Variants in NAALADL1 observed in about 807,000 individuals in gnomAD.
NAALADL1 encodes the protein N-acetylated alpha-linked acidic dipeptidase like 1.
In NAALADL1, 77 loss-of-function variants were observed where a neutral mutation model predicts 82.8. That is an observed-to-expected ratio of 0.93 (90% CI 0.77 to 1.12). The LOEUF (loss-of-function observed/expected upper bound fraction) is 1.12. Among genes scored for constraint, NAALADL1 ranks in the 50% most tolerant of loss-of-function variants. NAALADL1 has a pLI of 0.00. For missense variants in NAALADL1, 956 were observed against 964.0 expected (o/e 0.99, Z 0.11); for synonymous variants, 358 against 399.2 (o/e 0.90, Z 1.23).
Position 65,045,822 on chromosome 11 carries a change from CT to C in NAALADL1, c.2035del (p.Ser679AlafsTer12), listed in dbSNP as rs749994370. 6.2e-7 allele frequency: 1 copy of C among 1,613,912 alleles called. No homozygotes were observed. The highest frequency in any genetic ancestry group is 8.5e-7 in the Non-Finnish European group (1 of 1,179,900). On this transcript the variant is annotated frameshift_variant and splice_region_variant, in exon 17 of 18. Transcript: ENST00000358658. LOFTEE classifies it high-confidence loss of function. ...TCCCAGGACTCTGGGACAGACTCAC[CT>C]GTAGTAGCGTTCCTCTGGGAAGGCT... is the stretch of plus-strand genomic sequence containing the variant. ...PRAFPEERYY[S>X]HVLWAPRTGS... is the part of the protein sequence containing the mutation.
chr11:65,046,656 A>G (rs1298401305), intron 13 of NAALADL1, 130 bp from the exon 14 acceptor site: 1 of 866,664 alleles, frequency 1.2e-6, no homozygotes, highest in Admixed American at 2.4e-5. Flanking sequence ...GGCTTCTAGA[A>G]TTCCCACAGA....
intron 8 of NAALADL1, among the ~76,000 whole-genome samples, chr11:65,050,601 C>T (rs928845934): frequency 1.3e-5 from 2 of 151,132 alleles, no homozygotes; most frequent in Admixed American, 1.3e-4. Context: ...ACCAGCCTGG[C>T]CAACACGGTA....
In NAALADL1 at chr11:65,058,163, C is replaced by T. The variant is rs1947098974; in HGVS notation, c.273G>A (p.Glu91=). 6.2e-7 allele frequency: 1 copy of T among 1,613,880 alleles called. No homozygotes were observed. Among genetic ancestry groups the T allele is most frequent in the South Asian group, 1.1e-5 (1 of 91,084 alleles). The part of the protein sequence containing the change: ...QLLLQRWKDP[E]SGLDSAEAST... ...AGGCCTCGGCCGAGTCCAGGCCTGA[C>T]TCTGGGTCCTTCCAGCGCTGCAGCA... Residue 91 remains glutamate, a synonymous_variant, in exon 2 of 18, where the codon GAG becomes GAA. Transcript: ENST00000358658.
rs552475891 is a variant in NAALADL1, at chr11:65,054,936, A to C, written c.604-198T>G. 1.9e-4 allele frequency among the ~76,000 whole-genome samples: 29 copies of C among 152,228 alleles called. No individual in the cohort carries two copies. The highest frequency in any genetic ancestry group is 3.8e-4 in the Non-Finnish European group (26 of 68,040). On this transcript the variant is annotated intron_variant, in intron 4 of 17. Transcript: ENST00000358658. This position sits in a 1 kb window ranked among gnomAD's most constrained non-coding sequence, Gnocchi z 4.3. ...CGGCACAGCCAAGCCCGTGCCTATC[A>C]GTGGAGTCTGGTTGAATAACAGGGA...
chr11:65,045,060 G>T lies in NAALADL1; in HGVS notation c.*211C>A. 1 of 642,566 alleles carries T rather than the reference G, an allele frequency of 1.6e-6. No homozygotes were observed. The highest frequency in any genetic ancestry group is 2.6e-6 in the Non-Finnish European group (1 of 380,600). 39.8% of individuals were successfully genotyped at this position (642,566 alleles called of 1,614,324 possible). A position where few individuals can be genotyped will look rare whatever the true frequency, so the allele number is the denominator to read the frequency against. On this transcript the variant is annotated 3_prime_UTR_variant, in exon 18 of 18. Transcript: ENST00000358658. ...TTTTGCCATCCCATCCCTGTCCCCTGCTGCCCACCCTCTGCCACCTAAGCA... is the reference window on the plus strand; with the variant it reads ...TTTTGCCATCCCATCCCTGTCCCCTTCTGCCCACCCTCTGCCACCTAAGCA...
At chr11:65,055,447 C>T (rs1309347637) in intron 4 of NAALADL1, among the ~76,000 whole-genome samples, 4 of 151,920 alleles carry the variant, frequency 2.6e-5, no homozygotes, top group Non-Finnish European at 5.9e-5. Flanking sequence ...AAAAAAACCC[C>T]AACAAACAAA....
intron 8 of NAALADL1, among the ~76,000 whole-genome samples, chr11:65,049,176 G>A (rs571043795): frequency 2.0e-5 from 3 of 152,128 alleles, no homozygotes; most frequent in African/African-American, 7.2e-5. Context: ...ACACACCACC[G>A]CGCCTGGCTG....
chr11:65,048,516 C>A, intron 8 of NAALADL1, 131 bp from the exon 9 acceptor site: 3 of 990,154 alleles, frequency 3.0e-6, no homozygotes, highest in Non-Finnish European at 4.6e-6. Flanking sequence ...TGTCCTGGCA[C>A]CCTGCAGCCA....
intron 3 of NAALADL1, 113 bp downstream of exon 3, chr11:65,057,762 C>T: frequency 1.3e-6 from 2 of 1,498,984 alleles, no homozygotes; most frequent in Non-Finnish European, 1.8e-6. Context: ...TGAGTAAATT[C>T]CGGAGGGCGC....
chr11:65,051,315 CTTTTTTTTTTTTTTTTTTTTTTTTT>C (rs10535126), intron 8 of NAALADL1, among the ~76,000 whole-genome samples: 4 of 59,508 alleles, frequency 6.7e-5, no homozygotes, highest in African/African-American at 2.6e-4. Flanking sequence ...TTCTTTCTTT[CTTTTTTTTTTTTTTTTTTTTTTTTT>C]TTTTTTTTTT....
At chr11:65,048,549 C>G (rs923663312) in intron 8 of NAALADL1, 164 bp from the exon 9 acceptor site, 26 of 710,302 alleles carry the variant, frequency 3.7e-5, no homozygotes, top group African/African-American at 5.3e-5. Context: ...GGCTCCCGCA[C>G]CAAACACTGA....
chr11:65,049,353 C>T (rs535927853), intron 8 of NAALADL1, among the ~76,000 whole-genome samples: 79 of 152,228 alleles, frequency 5.2e-4, no homozygotes, highest in African/African-American at 1.6e-3. Flanking sequence ...TGTGATTACA[C>T]GCTTGCAATT....
Position 65,048,400 on chromosome 11 carries a change from T to C in NAALADL1, c.1199-15A>G, listed in dbSNP as rs780771034. 1.2e-6 allele frequency: 2 copies of C among 1,613,818 alleles called. No individual in the cohort carries two copies. Among genetic ancestry groups the C allele is most frequent in the South Asian group, 1.1e-5 (1 of 91,088 alleles). On this transcript the variant is annotated splice_polypyrimidine_tract_variant and intron_variant, in intron 8 of 17. Coordinates refer to ENST00000358658, the MANE Select transcript of NAALADL1 (RefSeq NM_005468.3). ...ACGCCAGGTGCCTGGGAATGGGGGA[T>C]AGAGGGTTGGAGGACAGGGTCCTCC...
intron 8 of NAALADL1, among the ~76,000 whole-genome samples, chr11:65,050,848 C>T (rs1249375322): frequency 6.6e-6 from 1 of 151,924 alleles, no homozygotes; most frequent in Non-Finnish European, 1.5e-5. Context: ...TATAAATAGC[C>T]AAGGCTTTTT....
Position 65,045,367 on chromosome 11 carries a change from T to C in NAALADL1, c.2127A>G (p.Gly709=), listed in dbSNP as rs752863531. 2.5e-5 allele frequency: 41 copies of C among 1,611,926 alleles called. No homozygotes were observed. The highest frequency in any genetic ancestry group is 3.5e-5 in the Non-Finnish European group (41 of 1,179,290). ...TCTGGACCTCAGCCCAAGCTTCAGA[T>C]CCAGAAGCTGTGTCCCTGGCCCTGG... ...ACSRARDTAS[G]SEAWAEVQRQ... Residue 709 remains glycine, a synonymous_variant, in exon 18 of 18, where the codon GGA becomes GGG. Transcript: ENST00000358658.
At chr11:65,045,773 T>C in intron 17 of NAALADL1, 49 bp downstream of exon 17, 6 of 1,553,944 alleles carry the variant, frequency 3.9e-6, no homozygotes, top group Non-Finnish European at 5.3e-6. Flanking sequence ...GGGGAGCCAT[T>C]GTCCGGCCCC....
chr11:65,046,011 C>T lies in NAALADL1; in HGVS notation c.1943+16G>A, dbSNP rs374846461. Reference sequence around the variant, plus strand: ...GGGTGCTGCCCTCCCAGCCCCTGCCCGCTGCCCTTGCTCACTCAGGGCTGC... The same window carrying T: ...GGGTGCTGCCCTCCCAGCCCCTGCCTGCTGCCCTTGCTCACTCAGGGCTGC... On this transcript the variant is annotated intron_variant, in intron 16 of 17. Transcript: ENST00000358658. The T allele has an allele frequency of 2.5e-3, 3,965 of 1,612,974 alleles. 111 individuals carry two copies. The South Asian group carries it at 0.041, about 17-fold the overall frequency.
Position 65,057,732 on chromosome 11 carries a change from G to A in NAALADL1, c.480+143C>T, listed in dbSNP as rs536281161. 15 of 1,334,092 alleles carry A rather than the reference G, an allele frequency of 1.1e-5. No homozygotes were observed. In the African/African-American group the frequency reaches 2.2e-4, roughly 19 times the overall value. The allele number at this position is 1,334,092 out of a possible 1,614,324, so 82.6% of individuals were successfully genotyped here. A position where few individuals can be genotyped will look rare whatever the true frequency, so the allele number is the denominator to read the frequency against. On this transcript the variant is annotated intron_variant, in intron 3 of 17. Transcript: ENST00000358658. ...GTTGAATGACTGATGGAGGAAAGGA[G>A]CAGCGATGGAGTGTCCCGGTGAGTA...
rs943425920 is a variant in NAALADL1, at chr11:65,046,037, C to T, written c.1933G>A (p.Gly645Ser). 4 of 1,613,788 alleles carry T rather than the reference C, an allele frequency of 2.5e-6. No homozygotes were observed. Among genetic ancestry groups the T allele is most frequent in the Non-Finnish European group, 3.4e-6 (4 of 1,179,990 alleles). ...LGQRISTLQK[G>S]SPDPLQVRML... ...GCTGCCCTTGCTCACTCAGGGCTGCCCTTCTGCAGTGTTGATATGCGTTGG... is the reference window on the plus strand; with the variant it reads ...GCTGCCCTTGCTCACTCAGGGCTGCTCTTCTGCAGTGTTGATATGCGTTGG... Residue 645 changes from glycine to serine, a missense_variant, in exon 16 of 18, where the codon GGC becomes AGC. Physicochemically the swap from Gly to Ser is moderately conservative, Grantham distance 56. Coordinates refer to ENST00000358658, the MANE Select transcript of NAALADL1 (RefSeq NM_005468.3).
Sources: allele counts gnomAD v4.1 joint callset (sites outside exome capture counted in the v4.1 genomes callset), GRCh38; gene constraint gnomAD v4.1.1; non-coding constraint Gnocchi (gnomAD v3.1); transcripts MANE v1.5; gene names NCBI Gene and HGNC (gene_info 2026-07-23, HGNC 2026-07-21).